NFXL1: variants seen among roughly 807,000 people sequenced by gnomAD.
NFXL1 encodes NF-X1-type zinc finger protein NFXL1.
Under a neutral mutation model 123.3 loss-of-function variants are expected in NFXL1, and 66 were observed. The observed-to-expected ratio is 0.54, with a 90% CI of 0.44 to 0.66. NFXL1 has a LOEUF of 0.66. NFXL1 is among the 30% of genes least tolerant of loss of function. NFXL1 has a pLI of 0.00. For missense variants in NFXL1, 944 were observed against 1,125.6 expected, an observed-to-expected ratio of 0.84 and a Z score of 2.31; for synonymous variants, 346 against 360.8, an observed-to-expected ratio of 0.96 and a Z score of 0.46.
intron 9 of NFXL1, among the ~76,000 whole-genome samples, chr4:47,897,516 T>C (rs1424221779): frequency 2.6e-5 from 4 of 152,066 alleles, no homozygotes; most frequent in African/African-American, 4.8e-5. Context: ...ATAATGACAA[T>C]AGCACAGCCT....
At chr4:47,903,467 A>G in intron 4 of NFXL1, 144 bp from the exon 5 acceptor site, 1 of 409,714 alleles carries the variant, frequency 2.4e-6, no homozygotes, top group Non-Finnish European at 4.2e-6. Context: ...GTATAACAGA[A>G]GAACTGTTTC....
At chr4:47,871,971 G>A (rs895610792) in intron 18 of NFXL1, among the ~76,000 whole-genome samples, 2 of 152,136 alleles carry the variant, frequency 1.3e-5, no homozygotes, top group African/African-American at 4.8e-5. Flanking sequence ...ACAGCCAGGA[G>A]AGTTAAGTGG....
At chr4:47,851,579 TCA>T (rs1734119494) in intron 21 of NFXL1, among the ~76,000 whole-genome samples, 1 of 152,020 alleles carries the variant, frequency 6.6e-6, no homozygotes, top group Admixed American at 6.6e-5. Context: ...AATCAAGAGG[TCA>T]CTGATTGGGT....
At chr4:47,897,717 C>A (rs530274110) in intron 9 of NFXL1, among the ~76,000 whole-genome samples, 1 of 152,194 alleles carries the variant, frequency 6.6e-6, no homozygotes, top group South Asian at 2.1e-4. Context: ...AGTTTCCCTG[C>A]CCTGAAAATC....
At chr4:47,885,382 C>A in intron 14 of NFXL1, 116 bp downstream of exon 14, 3 of 839,418 alleles carry the variant, frequency 3.6e-6, no homozygotes, top group Non-Finnish European at 5.7e-6. Context: ...GTACCCTGCT[C>A]CAAGCACAGT....
chr4:47,852,529 T>C (rs938009849), intron 20 of NFXL1, among the ~76,000 whole-genome samples: 1 of 152,122 alleles, frequency 6.6e-6, no homozygotes, highest in African/African-American at 2.4e-5. Context: ...TCTGGGGAGC[T>C]ACAAATTTTT....
At chr4:47,882,297 C>T (rs1736160543) in intron 15 of NFXL1, 1 of 152,116 alleles carries the variant, frequency 6.6e-6, no homozygotes, top group Admixed American at 6.5e-5. Context: ...TGTGGAGCTT[C>T]GGAGAAGTTT....
At chr4:47,884,806 T>C (rs1736325037) in intron 14 of NFXL1, among the ~76,000 whole-genome samples, 1 of 152,100 alleles carries the variant, frequency 6.6e-6, no homozygotes, top group African/African-American at 2.4e-5. Flanking sequence ...AAAAAAAGCT[T>C]GATATTTAGT....
At chr4:47,859,652 C>A (rs1254826312) in intron 19 of NFXL1, among the ~76,000 whole-genome samples, 1 of 151,846 alleles carries the variant, frequency 6.6e-6, no homozygotes, top group Admixed American at 6.6e-5. Context: ...ACCAGCCTAG[C>A]CAACATGGTG....
chr4:47,854,856 T>A (rs1734311838), intron 20 of NFXL1, among the ~76,000 whole-genome samples: 1 of 151,336 alleles, frequency 6.6e-6, no homozygotes, highest in Non-Finnish European at 1.5e-5. Flanking sequence ...CCAAAGCTTA[T>A]GTTTAAAATA....
At chr4:47,887,973 T>TAA (rs934808977) in intron 12 of NFXL1, among the ~76,000 whole-genome samples, 8 of 147,668 alleles carry the variant, frequency 5.4e-5, no homozygotes, top group Non-Finnish European at 7.5e-5. Context: ...ATCCTGAATT[T>TAA]AAAAAAAAAA....
intron 11 of NFXL1, among the ~76,000 whole-genome samples, chr4:47,891,750 A>G (rs558257821): frequency 6.6e-6 from 1 of 152,290 alleles, no homozygotes; most frequent in East Asian, 1.9e-4. Flanking sequence ...GTACATTATT[A>G]AAAAGCAATT....
At chr4:47,856,123 G>T (rs577030016) in intron 19 of NFXL1, among the ~76,000 whole-genome samples, 1 of 152,000 alleles carries the variant, frequency 6.6e-6, no homozygotes, top group East Asian at 1.9e-4. Context: ...ATTTGTTAGG[G>T]GTTAAATGTC....
In NFXL1 at chr4:47,912,829, TA is replaced by T. The variant is rs568288143; in HGVS notation, c.235+1139del. Among the ~76,000 whole-genome samples the T allele has an allele frequency of 2.4e-3, 310 of 126,872 alleles. 2 individuals are homozygous for T. The highest frequency in any genetic ancestry group is 7.5e-3 in the African/African-American group (261 of 34,784). The allele number at this position is 126,872 out of a possible 152,430, so 83.2% of individuals were successfully genotyped here. A position where few individuals can be genotyped will look rare whatever the true frequency, so the allele number is the denominator to read the frequency against. ...TAACACGGTGAAACCCCGTCTCTAC[TA>T]AAAAAAAAAAACCAAAGAACAAAAA... is the stretch of plus-strand genomic sequence containing the variant. On this transcript the variant is annotated intron_variant, in intron 2 of 22. Transcript: ENST00000507489.
chr4:47,888,645 G>C (rs1353227836), intron 12 of NFXL1, among the ~76,000 whole-genome samples: 1 of 151,950 alleles, frequency 6.6e-6, no homozygotes, highest in Non-Finnish European at 1.5e-5. Context: ...AAAATATAGA[G>C]GACAGAGGAA....
chr4:47,882,972 G>A (rs559403487), intron 15 of NFXL1, among the ~76,000 whole-genome samples: 1 of 152,300 alleles, frequency 6.6e-6, no homozygotes, highest in South Asian at 2.1e-4. Context: ...AGTGGCAGGA[G>A]CAGGCATCCT....
At chr4:47,898,150 A>G in intron 8 of NFXL1, 69 bp from the exon 9 acceptor site, 1 of 896,580 alleles carries the variant, frequency 1.1e-6, no homozygotes, top group Non-Finnish European at 1.7e-6. Context: ...CATACAAGAC[A>G]CAATCCATTT....
chr4:47,847,412 A>C lies in NFXL1; in HGVS notation c.*751T>G, dbSNP rs1485169612. ...TTTAAGATTGTGGTAAGGAGAAACG[A>C]GATTAAGGTACATAGACCTCATAAG... On this transcript the variant is annotated 3_prime_UTR_variant, in exon 23 of 23. Coordinates refer to ENST00000507489, the MANE Select transcript of NFXL1 (RefSeq NM_001278624.2). 1 of 152,220 alleles carries C rather than the reference A, an allele frequency of 6.6e-6. No individual in the cohort carries two copies. Among genetic ancestry groups the C allele is most frequent in the Non-Finnish European group, 1.5e-5 (1 of 68,032 alleles). The allele number at this position is 152,220 out of a possible 1,614,324, so 9.4% of individuals were successfully genotyped here.
intron 19 of NFXL1, among the ~76,000 whole-genome samples, chr4:47,860,264 T>A (rs1387349374): frequency 1.3e-5 from 2 of 152,078 alleles, no homozygotes; most frequent in Non-Finnish European, 2.9e-5. Flanking sequence ...TTAAAAAAAA[T>A]AAAATAACTG....
Sources: allele counts gnomAD v4.1 joint callset (sites outside exome capture counted in the v4.1 genomes callset), GRCh38; gene constraint gnomAD v4.1.1; transcripts MANE v1.5; gene names NCBI Gene and HGNC (gene_info 2026-07-23, HGNC 2026-07-21).